Variants in CDKAL1 observed in about 807,000 individuals in gnomAD.
CDKAL1 encodes threonylcarbamoyladenosine tRNA methylthiotransferase.
CDKAL1 carries 32 observed loss-of-function variants against 68.2 expected under a neutral mutation model. That is an observed-to-expected ratio of 0.47 (90% confidence interval 0.35 to 0.63). The LOEUF (loss-of-function observed/expected upper bound fraction) is 0.63. Ranked by LOEUF, CDKAL1 falls within the 30% of genes least tolerant of loss-of-function variation. The pLI, the probability that CDKAL1 is intolerant of heterozygous loss-of-function variation, is 0.00. For synonymous variants in CDKAL1, 234 were observed against 244.3 expected (o/e 0.96, Z 0.39); for missense variants, 606 against 696.7 (o/e 0.87, Z 1.47).
intron 10 of CDKAL1, among the ~76,000 whole-genome samples, chr6:20,999,374 A>G (rs1767298114): frequency 6.6e-6 from 1 of 151,906 alleles, no homozygotes; most frequent in African/African-American, 2.4e-5. Context: ...TAATGCTTAC[A>G]TGAATGGTGA....
At chr6:21,187,951 A>G (rs1486829012) in intron 13 of CDKAL1, among the ~76,000 whole-genome samples, 1 of 152,194 alleles carries the variant, frequency 6.6e-6, no homozygotes, top group East Asian at 1.9e-4. Flanking sequence ...GTGAAAAAAA[A>G]GGACATTTCC....
chr6:20,988,816 A>ATTTTTTT (rs35010661), intron 10 of CDKAL1, among the ~76,000 whole-genome samples: 1 of 143,482 alleles, frequency 7.0e-6, no homozygotes. Flanking sequence ...CTCCCAGTTA[A>ATTTTTTT]TTTTTTTTCT....
intron 6 of CDKAL1, among the ~76,000 whole-genome samples, chr6:20,753,610 C>T (rs144700553): frequency 6.6e-6 from 1 of 152,112 alleles, no homozygotes; most frequent in Non-Finnish European, 1.5e-5. Context: ...CCTAATAACA[C>T]GTTTCTCAGA....
At chr6:21,156,897 G>T (rs896693174) in intron 13 of CDKAL1, among the ~76,000 whole-genome samples, 6 of 152,186 alleles carry the variant, frequency 3.9e-5, no homozygotes, top group Admixed American at 2.6e-4. Flanking sequence ...AACCTTGTAT[G>T]CCTGGTAAAC....
rs1183146737 is a variant in CDKAL1, at chr6:20,823,064, G to A, written c.639-23011G>A. ...CTAATAAGCACACGTACACATTCTC[G>A]TTTTCTCTCTCTCTCTGTCTCTCTC... On this transcript the variant is annotated intron_variant, in intron 8 of 15. Transcript: ENST00000274695. Among the ~76,000 whole-genome samples the A allele has an allele frequency of 3.3e-5, 5 of 152,002 alleles. No homozygotes were observed. In the South Asian group the frequency reaches 1.0e-3, roughly 32 times the overall value.
At chr6:20,703,844 T>A (rs554797954) in intron 5 of CDKAL1, among the ~76,000 whole-genome samples, 1 of 152,324 alleles carries the variant, frequency 6.6e-6, no homozygotes, top group Non-Finnish European at 1.5e-5. Flanking sequence ...TTCAGGAATA[T>A]TTTTAATACA....
intron 10 of CDKAL1, among the ~76,000 whole-genome samples, chr6:20,982,273 G>A (rs1766195778): frequency 6.6e-6 from 1 of 151,838 alleles, no homozygotes; most frequent in Non-Finnish European, 1.5e-5. Flanking sequence ...TGCCCAGGCT[G>A]GTCTCAAACT....
chr6:21,059,763 T>G (rs1250628487), intron 11 of CDKAL1, among the ~76,000 whole-genome samples: 2 of 152,174 alleles, frequency 1.3e-5, no homozygotes, highest in African/African-American at 4.8e-5. Flanking sequence ...CCCCTGATTT[T>G]AAAAATATTT....
intron 13 of CDKAL1, among the ~76,000 whole-genome samples, chr6:21,147,342 A>G (rs1776225891): frequency 6.6e-6 from 1 of 152,220 alleles, no homozygotes; most frequent in South Asian, 2.1e-4. Flanking sequence ...ATATTTGATC[A>G]TCCAAAACGT....
At chr6:21,131,672 A>G (rs1178567975) in intron 13 of CDKAL1, among the ~76,000 whole-genome samples, 2 of 152,254 alleles carry the variant, frequency 1.3e-5, no homozygotes, top group East Asian at 3.8e-4. Context: ...GAAAAAAACC[A>G]TAAAGCTAGA....
At chr6:20,562,487 C>T (rs540922479) in intron 4 of CDKAL1, among the ~76,000 whole-genome samples, 5 of 152,202 alleles carry the variant, frequency 3.3e-5, no homozygotes, top group East Asian at 1.9e-4. Context: ...TGGTGGCTCA[C>T]GCCTGTAATC....
At chr6:20,686,970 T>C (rs1770656481) in intron 5 of CDKAL1, among the ~76,000 whole-genome samples, 1 of 152,236 alleles carries the variant, frequency 6.6e-6, no homozygotes, top group South Asian at 2.1e-4. Context: ...TTTTCTTCTT[T>C]AGCCTGTTGA....
At chr6:21,081,218 ATGTGGT>A (rs1772382727) in intron 12 of CDKAL1, among the ~76,000 whole-genome samples, 1 of 152,218 alleles carries the variant, frequency 6.6e-6, no homozygotes, top group Non-Finnish European at 1.5e-5. Flanking sequence ...GGAAGAAGAT[ATGTGGT>A]TATAAGTTTT....
intron 8 of CDKAL1, among the ~76,000 whole-genome samples, chr6:20,802,315 C>CAAT (rs55851833): frequency 1.0e-3 from 118 of 115,500 alleles, no homozygotes; most frequent in Admixed American, 3.3e-3. Flanking sequence ...ACAACAACAA[C>CAAT]AATAATAATA....
intron 9 of CDKAL1, among the ~76,000 whole-genome samples, chr6:20,848,512 C>T (rs1392763872): frequency 6.6e-6 from 1 of 152,008 alleles, no homozygotes; most frequent in Non-Finnish European, 1.5e-5. Context: ...TTGTCATATC[C>T]AGGTGGGTTG....
At chr6:20,857,174 A>G (rs1476805530) in intron 9 of CDKAL1, among the ~76,000 whole-genome samples, 2 of 152,100 alleles carry the variant, frequency 1.3e-5, no homozygotes, top group African/African-American at 2.4e-5. Context: ...GTTCCAACAC[A>G]TTTCTTGTTA....
intron 13 of CDKAL1, among the ~76,000 whole-genome samples, chr6:21,136,282 C>CT (rs1324619200): frequency 6.6e-6 from 1 of 152,160 alleles, no homozygotes; most frequent in Non-Finnish European, 1.5e-5. Context: ...TTTTAAAACT[C>CT]TCATTCATTT....
chr6:20,766,065 T>C (rs1440502280), intron 7 of CDKAL1, among the ~76,000 whole-genome samples: 5 of 152,150 alleles, frequency 3.3e-5, no homozygotes, highest in African/African-American at 4.8e-5. Flanking sequence ...CCTAAATGAA[T>C]CCCCCAAGTG....
intron 8 of CDKAL1, among the ~76,000 whole-genome samples, chr6:20,797,291 G>A (rs1249174368): frequency 6.6e-6 from 1 of 152,122 alleles, no homozygotes; most frequent in Non-Finnish European, 1.5e-5. Context: ...ATTAACATCA[G>A]GGATCCTATA....
Sources: allele counts gnomAD v4.1 joint callset (sites outside exome capture counted in the v4.1 genomes callset), GRCh38; gene constraint gnomAD v4.1.1; transcripts MANE v1.5; gene names NCBI Gene and HGNC (gene_info 2026-07-23, HGNC 2026-07-21).